GRPR: variants seen among roughly 807,000 people sequenced by gnomAD.
The protein encoded by GRPR is gastrin-releasing peptide receptor.
In GRPR, 4 loss-of-function variants were observed where a neutral mutation model predicts 15.6. That is an observed-to-expected ratio of 0.26 (90% confidence interval 0.13 to 0.59). The LOEUF is 0.59. GRPR is among the 20% of genes least tolerant of loss of function. GRPR has a pLI of 0.90. For missense variants in GRPR, 270 were observed against 304.1 expected (o/e 0.89, Z 0.83); for synonymous variants, 128 against 126.8 (o/e 1.01, Z -0.06).
At chrX:16,141,434 T>TTGTTCC (rs1238804137) in intron 1 of GRPR, among the ~76,000 whole-genome samples, 2 of 112,325 alleles carry the variant, frequency 1.8e-5, no homozygotes, top group Admixed American at 1.9e-4. Context: ...TTCTCTAGCC[T>TTGTTCC]TGTTCCAGCC....
chrX:16,126,079 A>G (rs781088688), intron 1 of GRPR, among the ~76,000 whole-genome samples: 9 of 111,674 alleles, frequency 8.1e-5, no homozygotes, highest in Admixed American at 2.8e-4. Context: ...TCTTCTCTGG[A>G]GTTTCAAAGC....
Position 16,123,984 on chromosome X carries a change from T to C in GRPR, c.31T>C (p.Leu11=), listed in dbSNP as rs756169605. Residue 11 remains leucine (L), a synonymous_variant, in exon 1 of 3, where the codon TTG becomes CTG. Transcript: ENST00000380289. ...TCTAAATGACTGTTTCCTTCTGAAC[T>C]TGGAGGTGGACCATTTCATGCACTG... MALNDCFLLN[L]EVDHFMHCNI... 1 of 1,209,682 alleles carries C rather than the reference T, an allele frequency of 8.3e-7. No homozygotes were observed. Among genetic ancestry groups the C allele is most frequent in the Non-Finnish European group, 1.1e-6 (1 of 893,855 alleles).
At chrX:16,150,765 G>A in intron 2 of GRPR, 109 bp downstream of exon 2, 1 of 534,368 alleles carries the variant, frequency 1.9e-6, no homozygotes, top group African/African-American at 2.3e-5. Context: ...AGATGAGGTG[G>A]GTGATGTGTG....
At chrX:16,131,841 G>A (rs1283203632) in intron 1 of GRPR, among the ~76,000 whole-genome samples, 1 of 112,183 alleles carries the variant, frequency 8.9e-6, no homozygotes, top group Non-Finnish European at 1.9e-5. Context: ...GGTTGTTTTT[G>A]GTTTGGGTGA....
At position 16,151,173 on chromosome X, in the gene GRPR, G is replaced by C. The variant is rs138123081; in HGVS notation, c.765+517G>C. Among the ~76,000 whole-genome samples the C allele has an allele frequency of 6.1e-3, 685 of 111,944 alleles. 5 individuals carry two copies. The highest frequency in any genetic ancestry group is 0.02 in the African/African-American group (613 of 30,825). On this transcript the variant is annotated intron_variant, in intron 2 of 2. Transcript: ENST00000380289. The stretch of plus-strand genomic sequence containing the variant: ...CTCAGTTTTCTTACCTATCAGATAG[G>C]CTTATAATCCCTACATTGTAAAACT...
intron 1 of GRPR, among the ~76,000 whole-genome samples, chrX:16,132,248 G>A (rs1476509872): frequency 8.9e-6 from 1 of 112,384 alleles, no homozygotes; most frequent in Non-Finnish European, 1.9e-5. Flanking sequence ...GATTGCAGGA[G>A]AACAATGGTT....
At chrX:16,140,972 C>T (rs1052570726) in intron 1 of GRPR, among the ~76,000 whole-genome samples, 28 of 111,823 alleles carry the variant, frequency 2.5e-4, no homozygotes, top group Non-Finnish European at 4.3e-4. Flanking sequence ...AAAGTAATTG[C>T]AGGCTGTGTC....
At chrX:16,125,601 T>A (rs1387800422) in intron 1 of GRPR, among the ~76,000 whole-genome samples, 4 of 112,405 alleles carry the variant, frequency 3.6e-5, no homozygotes, top group Non-Finnish European at 7.5e-5. Context: ...TCTGGCTTTG[T>A]TGAGTAATGG....
chrX:16,152,701 AC>A lies in GRPR; in HGVS notation c.*59del, dbSNP rs777253732. 3.6e-5 allele frequency: 37 copies of A among 1,030,743 alleles called. No homozygotes were observed. In the African/African-American group the frequency reaches 5.7e-4, roughly 16 times the overall value. The allele number at this position is 1,030,743 out of a possible 1,213,427, so 84.9% of individuals were successfully genotyped here. On this transcript the variant is annotated 3_prime_UTR_variant, in exon 3 of 3. Transcript: ENST00000380289. ...GGTTTTGCTTTATGGCTAGACAGGA[AC>A]CCTTGCATCCATTGTTGTGTCTGTG...
At chrX:16,136,764 G>C (rs1040904971) in intron 1 of GRPR, among the ~76,000 whole-genome samples, 3 of 112,066 alleles carry the variant, frequency 2.7e-5, no homozygotes, top group African/African-American at 6.5e-5. Flanking sequence ...TACCCTTGTA[G>C]GGTGGAATCT....
At chrX:16,135,438 T>C (rs1257377542) in intron 1 of GRPR, among the ~76,000 whole-genome samples, 1 of 112,242 alleles carries the variant, frequency 8.9e-6, no homozygotes, top group Non-Finnish European at 1.9e-5. Context: ...CCAGTGGTGA[T>C]AGCTAAAGAT....
intron 1 of GRPR, among the ~76,000 whole-genome samples, chrX:16,135,997 AC>A (rs1165245752): frequency 2.7e-5 from 3 of 112,251 alleles, no homozygotes; most frequent in African/African-American, 6.5e-5. Flanking sequence ...CGGGATGAAG[AC>A]AAGTACAGTC....
rs1922675641 is a variant in GRPR at position 16,150,285 on chromosome X, A to C, written c.414-20A>C. ...GAATAATATTATGCAACTGATGGGG[A>C]TGCTTCTTTCCTGCCCTAGATACAA... On this transcript the variant is annotated intron_variant, in intron 1 of 2. Transcript: ENST00000380289. 1.9e-6 allele frequency: 2 copies of C among 1,038,992 alleles called. No homozygotes were observed. Among genetic ancestry groups the C allele is most frequent in the East Asian group, 6.0e-5 (2 of 33,110 alleles). 85.6% of individuals were successfully genotyped at this position (1,038,992 alleles called of 1,213,427 possible).
At chrX:16,150,747 C>G (rs181624694) in intron 2 of GRPR, 91 bp downstream of exon 2, 1 of 572,337 alleles carries the variant, frequency 1.7e-6, no homozygotes, top group African/African-American at 2.3e-5. Flanking sequence ...ACACTTGAAT[C>G]TGCAATTAGA....
intron 2 of GRPR, among the ~76,000 whole-genome samples, 159 bp from the exon 3 acceptor site, chrX:16,152,097 C>T (rs1922716192): frequency 9.1e-6 from 1 of 109,872 alleles, no homozygotes; most frequent in Non-Finnish European, 1.9e-5. Context: ...TTCTCTCTTG[C>T]CCTCTCCTAT....
chrX:16,125,066 A>G (rs1922269413), intron 1 of GRPR, among the ~76,000 whole-genome samples: 2 of 112,304 alleles, frequency 1.8e-5, no homozygotes, highest in Admixed American at 1.9e-4. Flanking sequence ...TTTGGGGCTT[A>G]TTGTGGGGAG....
intron 1 of GRPR, among the ~76,000 whole-genome samples, chrX:16,142,905 T>C (rs988023451): frequency 9.1e-6 from 1 of 109,991 alleles, no homozygotes. Flanking sequence ...CTTCTCCATC[T>C]TTTCTGTCTT....
rs1922286308 is a variant in GRPR at position 16,126,075 on chromosome X, C to T, written c.413+1709C>T. Among the ~76,000 whole-genome samples the T allele has an allele frequency of 3.6e-5, 4 of 111,568 alleles. No individual in the cohort carries two copies. The South Asian group carries it at 1.5e-3, about 43-fold the overall frequency. ...AGATGCAGCTGCAGGGAACTCTTCT[C>T]TGGAGTTTCAAAGCAGACCAAGTTC... On this transcript the variant is annotated intron_variant, in intron 1 of 2. Transcript: ENST00000380289.
chrX:16,127,331 G>A (rs1390299790), intron 1 of GRPR, among the ~76,000 whole-genome samples: 3 of 111,581 alleles, frequency 2.7e-5, no homozygotes, highest in Non-Finnish European at 5.6e-5. Context: ...GTTTACACTG[G>A]CATCACCGGG....
Sources: gnomAD v4.1 joint callset for allele counts (sites outside exome capture counted in the v4.1 genomes callset) on GRCh38, gnomAD v4.1.1 for gene constraint, MANE v1.5 for transcripts, NCBI Gene and HGNC (gene_info 2026-07-23, HGNC 2026-07-21) for gene names.